The following DNAH12 variants were observed in gnomAD, a reference collection of about 807,000 sequenced individuals.
DNAH12 encodes the protein dynein axonemal heavy chain 12, also known as axonemal beta dynein heavy chain 12.
DNAH12 carries 285 observed loss-of-function variants against 371.5 expected under a neutral mutation model. The observed-to-expected ratio is 0.77, with a 90% CI of 0.70 to 0.85. The LOEUF (loss-of-function observed/expected upper bound fraction) is 0.85. Among genes scored for constraint, DNAH12 ranks in the 40% least tolerant of loss-of-function variants. The pLI, the probability that DNAH12 is intolerant of heterozygous loss-of-function variation, is 0.00. For synonymous variants in DNAH12, 1,200 were observed against 1,213.0 expected (o/e 0.99, Z 0.22); for missense variants, 3,611 against 3,689.4 (o/e 0.98, Z 0.55).
intron 62 of DNAH12, among the ~76,000 whole-genome samples, chr3:57,328,274 C>G (rs1362495681): frequency 1.3e-5 from 2 of 151,796 alleles, no homozygotes; most frequent in Admixed American, 6.6e-5. Flanking sequence ...AGAATTTAGA[C>G]CAATATCCTT....
At chr3:57,382,454 G>T (rs1352768490) in intron 49 of DNAH12, 61 bp from the exon 50 acceptor site, 1 of 149,816 alleles carries the variant, frequency 6.7e-6, no homozygotes, top group Non-Finnish European at 1.5e-5. Context: ...TTTAAATAAT[G>T]AAAAATTTTA....
chr3:57,449,478 C>G (rs926362969), intron 25 of DNAH12, among the ~76,000 whole-genome samples: 2 of 152,176 alleles, frequency 1.3e-5, no homozygotes, highest in Non-Finnish European at 2.9e-5. Flanking sequence ...CTGCAGGTCC[C>G]GAGCCATGCC....
At chr3:57,368,934 C>T (rs1235379218) in intron 55 of DNAH12, among the ~76,000 whole-genome samples, 4 of 152,072 alleles carry the variant, frequency 2.6e-5, no homozygotes, top group Non-Finnish European at 5.9e-5. Flanking sequence ...ATGCCGGGCA[C>T]GGTGGCTCAG....
chr3:57,424,985 A>T, intron 35 of DNAH12, 37 bp downstream of exon 35: 1 of 684,952 alleles, frequency 1.5e-6, no homozygotes, highest in East Asian at 2.7e-5. Context: ...AGCATAATTT[A>T]TTTATAATTA....
At chr3:57,377,602 T>C (rs1271464409) in intron 52 of DNAH12, among the ~76,000 whole-genome samples, 2 of 148,574 alleles carry the variant, frequency 1.3e-5, no homozygotes, top group African/African-American at 4.9e-5. Context: ...GTTTTGGGTG[T>C]TTTTTTTTTC....
At position 57,510,834 on chromosome 3, in the gene DNAH12, T is replaced by C; in HGVS notation, c.425A>G (p.Asn142Ser). The stretch of plus-strand genomic sequence containing the variant: ...GTTTTCAAAGTCACTTGACACCTCA[T>C]TTATGAGACTTTCAAGAAGTTCTTC... ...EREELLESLINEVSSDFENSM... is the reference protein window; with the variant it reads ...EREELLESLISEVSSDFENSM... The change falls in exon 5 of 74, where the codon AAT becomes AGT. Residue 142 changes from asparagine to serine, a missense_variant. Asn to Ser is a conservative substitution (Grantham distance 46). Coordinates refer to ENST00000495027, the MANE Select transcript of DNAH12 (RefSeq NM_001366028.2). 4 of 1,614,060 alleles carry C rather than the reference T, an allele frequency of 2.5e-6. No individual in the cohort carries two copies. The highest frequency in any genetic ancestry group is 3.4e-6 in the Non-Finnish European group (4 of 1,180,014).
At chr3:57,500,126 C>T (rs907680261) in intron 11 of DNAH12, among the ~76,000 whole-genome samples, 4 of 146,222 alleles carry the variant, frequency 2.7e-5, no homozygotes, top group Non-Finnish European at 4.5e-5. Flanking sequence ...CTGCAACCTT[C>T]GCCTCCCAGG....
chr3:57,412,838 G>C (rs2064248617), intron 39 of DNAH12, among the ~76,000 whole-genome samples: 1 of 152,134 alleles, frequency 6.6e-6, no homozygotes, highest in Non-Finnish European at 1.5e-5. Flanking sequence ...ATTCCTGATG[G>C]GAATGCAAAA....
At chr3:57,474,933 G>A (rs966252592) in intron 13 of DNAH12, among the ~76,000 whole-genome samples, 3 of 150,904 alleles carry the variant, frequency 2.0e-5, no homozygotes, top group South Asian at 2.1e-4. Context: ...CTGGGATCGC[G>A]CCATTGCACT....
At chr3:57,552,268 T>G in the DNAH12 span, among the ~76,000 whole-genome samples, 44 of 146,048 alleles carry the variant, frequency 3.0e-4, no homozygotes, top group Admixed American at 2.7e-4. Context: ...AGAGATGGGG[T>G]CTCACTATGT....
intron 17 of DNAH12, 161 bp downstream of exon 17, chr3:57,468,575 C>A: frequency 2.5e-6 from 1 of 394,108 alleles, no homozygotes; most frequent in Non-Finnish European, 4.0e-6. Context: ...CCACTACACT[C>A]CAGCCTGGGA....
At chr3:57,548,930 A>G (rs1029879870), upstream of DNAH12, 1 of 152,240 alleles carries the variant, frequency 6.6e-6, no homozygotes, top group Non-Finnish European at 1.5e-5. Context: ...AAATTTGTGA[A>G]GCATTCCATA....
At chr3:57,322,237 A>C in intron 65 of DNAH12, 106 bp downstream of exon 65, 2 of 1,241,080 alleles carry the variant, frequency 1.6e-6, no homozygotes, top group East Asian at 5.3e-5. Context: ...AAAGTTTTAA[A>C]AACATTAAAT....
Position 57,418,801 on chromosome 3 carries a change from G to A in DNAH12, c.5714+566C>T, listed in dbSNP as rs1292797924. 2.6e-5 allele frequency among the ~76,000 whole-genome samples: 4 copies of A among 152,034 alleles called. No homozygotes were observed. The South Asian group carries it at 8.3e-4, about 31-fold the overall frequency. ...TTGTCTAGTTTAAATAGTATGAATG[G>A]TAAATTATACCTAGTGTTTTAAAAG... On this transcript the variant is annotated intron_variant, in intron 37 of 73. Coordinates refer to ENST00000495027, the MANE Select transcript of DNAH12 (RefSeq NM_001366028.2).
intron 60 of DNAH12, among the ~76,000 whole-genome samples, chr3:57,342,623 A>C (rs1553656607): frequency 7.7e-6 from 1 of 130,496 alleles, no homozygotes; most frequent in Non-Finnish European, 1.6e-5. Flanking sequence ...GCACCACTGC[A>C]CTCCAGCCTG....
At chr3:57,496,213 A>C (rs894571376) in intron 11 of DNAH12, among the ~76,000 whole-genome samples, 1 of 151,878 alleles carries the variant, frequency 6.6e-6, no homozygotes, top group Non-Finnish European at 1.5e-5. Context: ...GCTTGACTGC[A>C]ACTTTATGAG....
At position 57,489,531 on chromosome 3, in the gene DNAH12, T is replaced by G. The variant is rs773395772; in HGVS notation, c.1492A>C (p.Lys498Gln). The G allele has an allele frequency of 6.6e-7, 1 of 1,515,592 alleles. No homozygotes were observed. Among genetic ancestry groups the G allele is most frequent in the South Asian group, 1.3e-5 (1 of 76,462 alleles). The allele number at this position is 1,515,592 out of a possible 1,614,324, so 93.9% of individuals were successfully genotyped here. A position where few individuals can be genotyped will look rare whatever the true frequency, so the allele number is the denominator to read the frequency against. The change falls in exon 12 of 74, where the codon AAA (lysine) becomes CAA (glutamine). Residue 498 changes from lysine (K) to glutamine (Q), a missense_variant. This residue lies in a region of DNAH12 where 1,314 missense variants were observed against 1,398.7 expected (regional missense o/e 0.94). Transcript: ENST00000495027. ...TACCATTCATTTTCTTTTCTATATT[T>G]TGAAGCTATGTCATTTAATAATATG... ...ANILLNDIAS[K>Q]YRKENECICS... is the part of the protein sequence containing the mutation.
At chr3:57,448,854 C>T (rs1382440068) in intron 25 of DNAH12, among the ~76,000 whole-genome samples, 2 of 151,900 alleles carry the variant, frequency 1.3e-5, no homozygotes. Context: ...GATTGGTGCA[C>T]TCACAAACCT....
At chr3:57,511,228 T>C (rs7638976) in intron 4 of DNAH12, among the ~76,000 whole-genome samples, 133,991 of 152,156 alleles carry the variant, frequency 0.88, 59,565 homozygotes, top group African/African-American at 0.96. Flanking sequence ...CAAGGCAAAA[T>C]GAAGATTCTT....
Sources: allele counts gnomAD v4.1 joint callset (sites outside exome capture counted in the v4.1 genomes callset), GRCh38; gene constraint gnomAD v4.1.1; regional missense constraint gnomAD v4.1.1; transcripts MANE v1.5; gene names NCBI Gene and HGNC (gene_info 2026-07-23, HGNC 2026-07-21).